Variants in GNAQ observed in about 807,000 individuals in gnomAD.
GNAQ encodes G protein subunit alpha q, also known as guanine nucleotide-binding protein G(q) subunit alpha.
GNAQ carries 8 observed loss-of-function variants against 43.9 expected under a neutral mutation model. The ratio of observed to expected loss-of-function variants is 0.18; its 90% CI spans 0.11 to 0.33. The LOEUF (loss-of-function observed/expected upper bound fraction) is 0.33, where lower values mean the gene tolerates loss of function less well. Ranked by LOEUF, GNAQ falls within the 10% of genes least tolerant of loss-of-function variation. The probability of loss-of-function intolerance (pLI) is 1.00; values close to 1 mark genes in which losing one functional copy is unlikely to be tolerated. For synonymous variants in GNAQ, 155 were observed against 170.7 expected, an observed-to-expected ratio of 0.91 and a Z score of 0.71; for missense variants, 158 against 450.8, an observed-to-expected ratio of 0.35 and a Z score of 5.88.
At chr9:77,805,212 C>T (rs1180412985) in intron 3 of GNAQ, among the ~76,000 whole-genome samples, 5 of 152,090 alleles carry the variant, frequency 3.3e-5, no homozygotes, top group Admixed American at 2.0e-4. Context: ...CTGACAGGAG[C>T]CTGGCTGGTA....
rs549112738 is a variant in GNAQ, at chr9:77,760,441, G to C, written c.736-31774C>G. Reference sequence around the variant, plus strand: ...CCGGGCTGGCCTCCAGCTCCTAACCGCGAGTGATCCGCCAGCCTCGGCCTC... The same window carrying C: ...CCGGGCTGGCCTCCAGCTCCTAACCCCGAGTGATCCGCCAGCCTCGGCCTC... On this transcript the variant is annotated intron_variant, in intron 5 of 6. Transcript: ENST00000286548. Among the ~76,000 whole-genome samples the C allele has an allele frequency of 2.5e-3, 375 of 152,204 alleles. 3 individuals carry two copies. Among genetic ancestry groups the C allele is most frequent in the African/African-American group, 8.4e-3 (351 of 41,548 alleles).
chr9:77,786,515 T>C (rs559805249), intron 5 of GNAQ, among the ~76,000 whole-genome samples: 83 of 152,106 alleles, frequency 5.5e-4, no homozygotes, highest in Non-Finnish European at 1.0e-3. Context: ...CCCACGGAGA[T>C]ATTTGCTGAT....
chr9:77,865,084 T>C (rs535460102), intron 2 of GNAQ, among the ~76,000 whole-genome samples: 1 of 152,332 alleles, frequency 6.6e-6, no homozygotes, highest in Admixed American at 6.5e-5. Context: ...CGGAGTCAAA[T>C]TTATTAAAAC....
chr9:77,981,072 T>A (rs980102363), intron 1 of GNAQ, among the ~76,000 whole-genome samples: 5 of 152,200 alleles, frequency 3.3e-5, no homozygotes, highest in Non-Finnish European at 5.9e-5. Flanking sequence ...AGGTGTTAGA[T>A]TCAGACCCCC....
chr9:77,890,671 C>T (rs1018365733), intron 2 of GNAQ, among the ~76,000 whole-genome samples: 10 of 151,888 alleles, frequency 6.6e-5, no homozygotes, highest in South Asian at 4.2e-4. Context: ...TGCGGTGAGC[C>T]GAGATCACAC....
At chr9:77,824,060 C>T (rs1827155478) in intron 2 of GNAQ, among the ~76,000 whole-genome samples, 1 of 152,124 alleles carries the variant, frequency 6.6e-6, no homozygotes, top group South Asian at 2.1e-4. Flanking sequence ...CCTTCATGTA[C>T]TTTAGTCATG....
At chr9:77,988,082 G>A (rs920215579) in intron 1 of GNAQ, among the ~76,000 whole-genome samples, 3 of 152,206 alleles carry the variant, frequency 2.0e-5, no homozygotes, top group Non-Finnish European at 4.4e-5. Flanking sequence ...AGACAGAAAA[G>A]AGGTTAGTAG....
chr9:77,918,426 T>C (rs1424342632), intron 2 of GNAQ, among the ~76,000 whole-genome samples: 1 of 152,192 alleles, frequency 6.6e-6, no homozygotes, highest in South Asian at 2.1e-4. Flanking sequence ...GATACCTCCA[T>C]GTAACTGTTA....
At chr9:77,811,714 C>T (rs567344951) in intron 3 of GNAQ, among the ~76,000 whole-genome samples, 10 of 152,114 alleles carry the variant, frequency 6.6e-5, no homozygotes, top group Admixed American at 5.2e-4. Context: ...ACTACTAAGA[C>T]GGTGAAGAAT....
chr9:77,969,093 G>A (rs4745679), intron 1 of GNAQ, among the ~76,000 whole-genome samples: 7 of 152,012 alleles, frequency 4.6e-5, no homozygotes, highest in East Asian at 1.9e-4. Context: ...GAGGTTTGCC[G>A]TTGGTCTGCA....
intron 3 of GNAQ, among the ~76,000 whole-genome samples, chr9:77,814,361 G>A (rs1826978107): frequency 6.6e-6 from 1 of 152,034 alleles, no homozygotes; most frequent in Non-Finnish European, 1.5e-5. Flanking sequence ...ATGAAGGTAT[G>A]GAAGAAGGAT....
At chr9:77,828,059 C>CAAAAAAA (rs71360654) in intron 2 of GNAQ, among the ~76,000 whole-genome samples, 717 of 19,244 alleles carry the variant, frequency 0.037, 204 homozygotes, top group East Asian at 0.054. Flanking sequence ...GACTCCTCCT[C>CAAAAAAA]AAAAAAAAAA....
intron 2 of GNAQ, among the ~76,000 whole-genome samples, chr9:77,903,890 G>T (rs1194800381): frequency 1.3e-5 from 2 of 151,832 alleles, no homozygotes; most frequent in African/African-American, 2.4e-5. Flanking sequence ...CCTCATACCT[G>T]ACAGCCAGGC....
chr9:77,775,368 C>CTAT (rs1826290672), intron 5 of GNAQ, among the ~76,000 whole-genome samples: 1 of 151,126 alleles, frequency 6.6e-6, no homozygotes. Context: ...ATTTATCCTC[C>CTAT]TATTAACAGT....
At chr9:77,883,382 T>C (rs1441652528) in intron 2 of GNAQ, among the ~76,000 whole-genome samples, 1 of 152,056 alleles carries the variant, frequency 6.6e-6, no homozygotes. Context: ...GAAAAGAAAC[T>C]TATGAATCAG....
At chr9:77,970,491 C>A (rs1345961057) in intron 1 of GNAQ, among the ~76,000 whole-genome samples, 3 of 152,164 alleles carry the variant, frequency 2.0e-5, no homozygotes, top group Non-Finnish European at 4.4e-5. Context: ...AAGGCAGGGG[C>A]AGTCCTCTTC....
intron 2 of GNAQ, among the ~76,000 whole-genome samples, chr9:77,841,073 T>C (rs1399125739): frequency 1.3e-5 from 2 of 151,738 alleles, no homozygotes; most frequent in African/African-American, 4.9e-5. Flanking sequence ...TCACACCTCA[T>C]GTATTCATGT....
At chr9:77,885,664 C>T (rs181514892) in intron 2 of GNAQ, among the ~76,000 whole-genome samples, 9 of 151,950 alleles carry the variant, frequency 5.9e-5, no homozygotes, top group Admixed American at 3.9e-4. Context: ...TGTCTCAGTA[C>T]GGATGGAAAG....
At chr9:77,729,753 T>C (rs1825458290) in intron 5 of GNAQ, among the ~76,000 whole-genome samples, 2 of 152,310 alleles carry the variant, frequency 1.3e-5, no homozygotes, top group South Asian at 2.1e-4. Context: ...TTTGTGGCAA[T>C]GGAAAGGGCT....
Sources: allele counts gnomAD v4.1 joint callset (sites outside exome capture counted in the v4.1 genomes callset), GRCh38; gene constraint gnomAD v4.1.1; transcripts MANE v1.5; gene names NCBI Gene and HGNC (gene_info 2026-07-23, HGNC 2026-07-21).